The following RRAGD variants were observed in gnomAD, a reference collection of about 807,000 sequenced individuals.
The protein encoded by RRAGD is ras-related GTP-binding protein D.
In RRAGD, 12 loss-of-function variants were observed where a neutral mutation model predicts 35.5. That is an observed-to-expected ratio of 0.34 (90% CI 0.22 to 0.55). The LOEUF (loss-of-function observed/expected upper bound fraction) is 0.55, where lower values mean the gene tolerates loss of function less well. Ranked by LOEUF, RRAGD falls within the 20% of genes least tolerant of loss-of-function variation. The pLI is 0.91. For synonymous variants in RRAGD, 155 were observed against 178.9 expected (o/e 0.87, Z 1.07); for missense variants, 324 against 490.1 (o/e 0.66, Z 3.20).
At chr6:89,369,292 G>A (rs1028378709) in intron 6 of RRAGD, among the ~76,000 whole-genome samples, 1 of 152,138 alleles carries the variant, frequency 6.6e-6, no homozygotes, top group East Asian at 1.9e-4. Flanking sequence ...TAAAAACAAA[G>A]GAGCAAAGGA....
intron 1 of RRAGD, among the ~76,000 whole-genome samples, chr6:89,400,012 T>C (rs140270664): frequency 2.0e-5 from 3 of 152,290 alleles, no homozygotes; most frequent in Non-Finnish European, 2.9e-5. Flanking sequence ...ATGACTGGTA[T>C]TGGTGGAGTG....
intron 5 of RRAGD, among the ~76,000 whole-genome samples, chr6:89,376,727 T>C (rs1768954815): frequency 6.6e-6 from 1 of 151,402 alleles, no homozygotes; most frequent in Admixed American, 6.6e-5. Flanking sequence ...AAGAACGGTA[T>C]GTTAACAGAT....
chr6:89,370,859 A>G (rs1037420745), intron 6 of RRAGD, among the ~76,000 whole-genome samples: 2 of 152,262 alleles, frequency 1.3e-5, no homozygotes, highest in East Asian at 1.9e-4. Context: ...AGTATACAGG[A>G]AATGTTAAGA....
At position 89,411,653 on chromosome 6, in the gene RRAGD, C is replaced by A; in HGVS notation, c.148+193G>T. On this transcript the variant is annotated intron_variant, in intron 1 of 6. Transcript: ENST00000369415. The surrounding 1 kb of genome is among the most constrained non-coding windows in gnomAD (Gnocchi z 5.6). ...ACCGATCCTGGTTGCCCCTCCGCCA[C>A]CAGCACCGCGCTCCCTCATTTGGCA... 1.6e-6 allele frequency: 1 copy of A among 624,768 alleles called. No homozygotes were observed. 38.7% of individuals were successfully genotyped at this position (624,768 alleles called of 1,614,324 possible).
intron 3 of RRAGD, 61 bp downstream of exon 3, chr6:89,380,107 G>A (rs577868758): frequency 1.6e-5 from 25 of 1,518,874 alleles, no homozygotes; most frequent in Admixed American, 1.2e-4. Context: ...TGGTGACTCC[G>A]AACCCCAAAC....
At position 89,386,042 on chromosome 6, in the gene RRAGD, C is replaced by T. The variant is rs994226464; in HGVS notation, c.444+1253G>A. Among the ~76,000 whole-genome samples the T allele has an allele frequency of 5.9e-5, 9 of 152,294 alleles. No individual in the cohort carries two copies. In the South Asian group the frequency reaches 6.2e-4, roughly 11 times the overall value. On this transcript the variant is annotated intron_variant, in intron 2 of 6. Coordinates refer to ENST00000369415, the MANE Select transcript of RRAGD (RefSeq NM_021244.5). ...TGTGCTTAGCGGGGCGATGCACACCCGCAGCTGGCCAACCTGTCTCACTGT... is the reference window on the plus strand; with the variant it reads ...TGTGCTTAGCGGGGCGATGCACACCTGCAGCTGGCCAACCTGTCTCACTGT...
chr6:89,378,120 C>T (rs532026075), intron 4 of RRAGD, among the ~76,000 whole-genome samples: 43 of 152,024 alleles, frequency 2.8e-4, no homozygotes, highest in South Asian at 6.2e-4. Flanking sequence ...CCTGACCAAC[C>T]GGGAGAAACC....
Position 89,412,138 on chromosome 6 carries a change from C to G in RRAGD, c.-145G>C. The G allele has an allele frequency of 1.3e-6, 1 of 757,998 alleles. No individual in the cohort carries two copies. 47.0% of individuals were successfully genotyped at this position (757,998 alleles called of 1,614,324 possible). A position where few individuals can be genotyped will look rare whatever the true frequency, so the allele number is the denominator to read the frequency against. ...CCGGCGGAAGCGGGGGCCGCGCGTC[C>G]CCCGGCGGGCGGCGCCCAGGTCCGG... On this transcript the variant is annotated 5_prime_UTR_variant, in exon 1 of 7. Coordinates refer to ENST00000369415, the MANE Select transcript of RRAGD (RefSeq NM_021244.5). This position sits in a 1 kb window ranked among gnomAD's most constrained non-coding sequence, Gnocchi z 4.2.
chr6:89,392,793 C>T (rs1183869355), intron 1 of RRAGD, among the ~76,000 whole-genome samples: 1 of 152,118 alleles, frequency 6.6e-6, no homozygotes, highest in African/African-American at 2.4e-5. Flanking sequence ...AAGACAATGA[C>T]TGAATAAAGA....
At position 89,398,207 on chromosome 6, in the gene RRAGD, G is replaced by C. The variant is rs192503149; in HGVS notation, c.149-10617C>G. 4.1e-4 allele frequency among the ~76,000 whole-genome samples: 62 copies of C among 152,222 alleles called. No individual in the cohort carries two copies. The East Asian group carries it at 0.012, about 29-fold the overall frequency. ...AGGCAGTAAGGAAAGGTCAGAGGGA[G>C]GAAGAAGTATGGGAAAACGTTTGGA... On this transcript the variant is annotated intron_variant, in intron 1 of 6. Coordinates refer to ENST00000369415, the MANE Select transcript of RRAGD (RefSeq NM_021244.5).
chr6:89,406,310 G>A (rs1375873869), intron 1 of RRAGD, among the ~76,000 whole-genome samples: 1 of 152,164 alleles, frequency 6.6e-6, no homozygotes, highest in Non-Finnish European at 1.5e-5. Flanking sequence ...ACAGGCCTAG[G>A]TGAGGTCAGG....
intron 2 of RRAGD, among the ~76,000 whole-genome samples, chr6:89,382,294 G>A (rs1769056969): frequency 6.6e-6 from 1 of 151,486 alleles, no homozygotes. Flanking sequence ...TAGAATAAAG[G>A]ACAAAAGCCA....
At chr6:89,372,985 C>T (rs1768878328) in intron 5 of RRAGD, among the ~76,000 whole-genome samples, 1 of 152,164 alleles carries the variant, frequency 6.6e-6, no homozygotes, top group African/African-American at 2.4e-5. Context: ...TCTAAAGAGA[C>T]CTGAAAGCCA....
rs2127901431 is a variant in RRAGD, at chr6:89,412,221, G to A, written c.-228C>T. On this transcript the variant is annotated 5_prime_UTR_variant, in exon 1 of 7. Coordinates refer to ENST00000369415, the MANE Select transcript of RRAGD (RefSeq NM_021244.5). This position sits in a 1 kb window ranked among gnomAD's most constrained non-coding sequence, Gnocchi z 4.2. ...TCCCCCGCCCCGCCCGCCGGCGGAGGAGTCAGCCGGAGCGCGGCAGTTCCT... is the reference window on the plus strand; with the variant it reads ...TCCCCCGCCCCGCCCGCCGGCGGAGAAGTCAGCCGGAGCGCGGCAGTTCCT... 1 of 290,768 alleles carries A rather than the reference G, an allele frequency of 3.4e-6. No homozygotes were observed. The highest frequency in any genetic ancestry group is 6.2e-6 in the Non-Finnish European group (1 of 160,490). The allele number at this position is 290,768 out of a possible 1,614,324, so 18.0% of individuals were successfully genotyped here.
intron 1 of RRAGD, among the ~76,000 whole-genome samples, chr6:89,401,378 C>T (rs1368621497): frequency 6.6e-6 from 1 of 151,964 alleles, no homozygotes; most frequent in Non-Finnish European, 1.5e-5. Flanking sequence ...CTACCTCAGT[C>T]TCCTGAGTAG....
intron 1 of RRAGD, among the ~76,000 whole-genome samples, chr6:89,400,507 G>C (rs1769438282): frequency 6.6e-6 from 1 of 151,574 alleles, no homozygotes; most frequent in African/African-American, 2.4e-5. Context: ...CTCTCCTCAA[G>C]TACCTCCACT....
At chr6:89,389,035 C>T (rs1291118698) in intron 1 of RRAGD, among the ~76,000 whole-genome samples, 1 of 152,168 alleles carries the variant, frequency 6.6e-6, no homozygotes, top group Non-Finnish European at 1.5e-5. Context: ...ACAGACGAAA[C>T]TTCGCTTGCT....
chr6:89,374,991 T>C (rs117364448), intron 5 of RRAGD, among the ~76,000 whole-genome samples: 1,543 of 152,184 alleles, frequency 0.01, 10 homozygotes, highest in Admixed American at 0.014. Context: ...ATGAAGAAAA[T>C]AGCATTTAAA....
chr6:89,390,514 A>T (rs543222027), intron 1 of RRAGD, among the ~76,000 whole-genome samples: 13 of 152,190 alleles, frequency 8.5e-5, no homozygotes, highest in Non-Finnish European at 1.9e-4. Flanking sequence ...AGATAATAAC[A>T]TGTGTTAGTG....
Sources: gnomAD v4.1 joint callset for allele counts (sites outside exome capture counted in the v4.1 genomes callset) on GRCh38, gnomAD v4.1.1 for gene constraint, Gnocchi (gnomAD v3.1) non-coding constraint, MANE v1.5 for transcripts, NCBI Gene and HGNC (gene_info 2026-07-23, HGNC 2026-07-21) for gene names.